The following FRMD3 variants were observed in gnomAD, a reference collection of about 807,000 sequenced individuals.
FRMD3 encodes the protein FERM domain containing 3.
FRMD3 carries 33 observed loss-of-function variants against 70.2 expected under a neutral mutation model. The observed-to-expected ratio is 0.47, with a 90% CI of 0.36 to 0.63. FRMD3 has a LOEUF of 0.63. FRMD3 is among the 20% of genes least tolerant of loss of function. The pLI is 0.00. For synonymous variants in FRMD3, 279 were observed against 255.9 expected (o/e 1.09, Z -0.86); for missense variants, 632 against 711.4 (o/e 0.89, Z 1.27).
rs573591846 is a variant in FRMD3 at position 83,527,642 on chromosome 9, C to T, written c.147+10443G>A. Among the ~76,000 whole-genome samples the T allele has an allele frequency of 2.6e-5, 4 of 152,296 alleles. No individual in the cohort carries two copies. In the East Asian group the frequency reaches 5.8e-4, roughly 22 times the overall value. The stretch of plus-strand genomic sequence containing the variant: ...AAGAATGTCAAATTTCAGGGCCCTT[C>T]CCAAGACTTCCTGAATCCGAGTCTG... On this transcript the variant is annotated intron_variant, in intron 1 of 13. Transcript: ENST00000304195.
intron 13 of FRMD3, among the ~76,000 whole-genome samples, chr9:83,286,961 G>A (rs545226826): frequency 1.3e-5 from 2 of 152,274 alleles, no homozygotes; most frequent in East Asian, 3.9e-4. Flanking sequence ...AGGTTGAAGT[G>A]TTTTCAACTC....
chr9:83,317,966 A>C (rs1268878061), intron 6 of FRMD3, among the ~76,000 whole-genome samples: 1 of 152,212 alleles, frequency 6.6e-6, no homozygotes, highest in Non-Finnish European at 1.5e-5. Context: ...ATATGTTTCA[A>C]AACCAGTAAC....
chr9:83,438,121 G>C lies in FRMD3; in HGVS notation c.148-48413C>G, dbSNP rs116658533. Among the ~76,000 whole-genome samples, 335 of 152,198 alleles carry C rather than the reference G, an allele frequency of 2.2e-3. 1 individual carries two copies. The highest frequency in any genetic ancestry group is 7.2e-3 in the African/African-American group (301 of 41,518). ...ATTACTATTAAGCATACCAAGAAAG[G>C]ATCTAACTCAAGGAAATACCTTATT... On this transcript the variant is annotated intron_variant, in intron 1 of 13. Coordinates refer to ENST00000304195, the MANE Select transcript of FRMD3 (RefSeq NM_174938.6).
intron 13 of FRMD3, among the ~76,000 whole-genome samples, chr9:83,258,927 C>G (rs2118660663): frequency 6.6e-6 from 1 of 152,286 alleles, no homozygotes; most frequent in Non-Finnish European, 1.5e-5. Flanking sequence ...CCTGAGACAG[C>G]CCATGCTGGC....
the FRMD3 span, among the ~76,000 whole-genome samples, chr9:83,556,549 G>T: frequency 6.6e-6 from 1 of 152,128 alleles, no homozygotes; most frequent in African/African-American, 2.4e-5. Flanking sequence ...TAATGTAAAA[G>T]ATATTTTGGC....
chr9:83,501,823 C>A (rs927883163), intron 1 of FRMD3, among the ~76,000 whole-genome samples: 2 of 152,156 alleles, frequency 1.3e-5, no homozygotes, highest in East Asian at 1.9e-4. Context: ...TGAAGAGATG[C>A]ATCTGATTAA....
intron 6 of FRMD3, among the ~76,000 whole-genome samples, chr9:83,329,977 C>T (rs149657246): frequency 2.0e-5 from 3 of 152,226 alleles, no homozygotes; most frequent in African/African-American, 7.2e-5. Flanking sequence ...AAACCCCTTC[C>T]GAGCACCCTC....
chr9:83,452,859 T>C, intron 1 of FRMD3, among the ~76,000 whole-genome samples: 1 of 139,648 alleles, frequency 7.2e-6, no homozygotes, highest in East Asian at 2.0e-4. Flanking sequence ...TTTTTTTTTT[T>C]TTTTTTTTTT....
intron 2 of FRMD3, among the ~76,000 whole-genome samples, chr9:83,374,108 AG>A (rs1825068666): frequency 6.6e-6 from 1 of 152,192 alleles, no homozygotes; most frequent in African/African-American, 2.4e-5. Context: ...AGCTTGACTA[AG>A]GTCACTCTGC....
intron 1 of FRMD3, among the ~76,000 whole-genome samples, chr9:83,484,628 G>A (rs1828644646): frequency 6.6e-6 from 1 of 152,192 alleles, no homozygotes; most frequent in African/African-American, 2.4e-5. Flanking sequence ...ATGTTGGACA[G>A]ACTGGTCTCG....
chr9:83,269,740 TAAAC>T lies in FRMD3; in HGVS notation c.1195+20859_1195+20862del, dbSNP rs779091839. On this transcript the variant is annotated intron_variant, in intron 13 of 13. Transcript: ENST00000304195. Reference sequence around the variant, plus strand: ...CAAAAGTATTATTATTATTTTACTATAAACAAACAAACAAAAGTATTATTATTAT... The same window carrying T: ...CAAAAGTATTATTATTATTTTACTATAAACAAACAAAAGTATTATTATTAT... 5.9e-5 allele frequency among the ~76,000 whole-genome samples: 9 copies of T among 152,168 alleles called. No individual in the cohort carries two copies. The South Asian group carries it at 1.0e-3, about 18-fold the overall frequency.
chr9:83,350,088 T>C (rs896336117), intron 3 of FRMD3, among the ~76,000 whole-genome samples: 1 of 152,122 alleles, frequency 6.6e-6, no homozygotes, highest in Non-Finnish European at 1.5e-5. Context: ...TTCTGATTCT[T>C]CCCACCCCTT....
chr9:83,357,154 A>G (rs1824374070), intron 3 of FRMD3, among the ~76,000 whole-genome samples: 1 of 142,452 alleles, frequency 7.0e-6, no homozygotes, highest in Non-Finnish European at 1.5e-5. Context: ...GTATATATAT[A>G]ACATACATGG....
chr9:83,256,903 G>C (rs1284590319), intron 13 of FRMD3, among the ~76,000 whole-genome samples: 1 of 152,102 alleles, frequency 6.6e-6, no homozygotes, highest in South Asian at 2.1e-4. Context: ...AGAAAAAGGA[G>C]CACTTTTACA....
At chr9:83,356,271 A>ATTTTTTTTT (rs869149609) in intron 3 of FRMD3, among the ~76,000 whole-genome samples, 1 of 94,462 alleles carries the variant, frequency 1.1e-5, no homozygotes, top group African/African-American at 4.6e-5. Context: ...ACTCAGCAGC[A>ATTTTTTTTT]TTTTTTTTTT....
At position 83,245,141 on chromosome 9, in the gene FRMD3, AT is replaced by A. The variant is rs1192205807; in HGVS notation, c.*2776del. On this transcript the variant is annotated 3_prime_UTR_variant, in exon 14 of 14. Coordinates refer to ENST00000304195, the MANE Select transcript of FRMD3 (RefSeq NM_174938.6). The stretch of plus-strand genomic sequence containing the variant: ...CAATTAGGGCAAAATAAGCACAATT[AT>A]GCATGAGGGGCATATATGTTGTGTC... The A allele has an allele frequency of 1.0e-6, 1 of 985,232 alleles. No individual in the cohort carries two copies. Among genetic ancestry groups the A allele is most frequent in the African/African-American group, 1.7e-5 (1 of 57,244 alleles). The allele number at this position is 985,232 out of a possible 1,614,324, so 61.0% of individuals were successfully genotyped here.
At chr9:83,519,369 C>A (rs190069337) in intron 1 of FRMD3, among the ~76,000 whole-genome samples, 1 of 152,048 alleles carries the variant, frequency 6.6e-6, no homozygotes, top group African/African-American at 2.4e-5. Flanking sequence ...GACATTTATG[C>A]GGCCGCCAAA....
chr9:83,412,903 G>A (rs1251760100), intron 1 of FRMD3, among the ~76,000 whole-genome samples: 4 of 152,132 alleles, frequency 2.6e-5, no homozygotes, highest in African/African-American at 9.7e-5. Context: ...GCTGAGACAG[G>A]AGAATCGCTC....
intron 1 of FRMD3, among the ~76,000 whole-genome samples, chr9:83,477,145 T>A (rs889259064): frequency 6.6e-6 from 1 of 152,168 alleles, no homozygotes; most frequent in Non-Finnish European, 1.5e-5. Flanking sequence ...GAAATGCCAA[T>A]TATCAGGCTG....
Sources: gnomAD v4.1 joint callset for allele counts (sites outside exome capture counted in the v4.1 genomes callset) on GRCh38, gnomAD v4.1.1 for gene constraint, MANE v1.5 for transcripts, NCBI Gene and HGNC (gene_info 2026-07-23, HGNC 2026-07-21) for gene names.